The following ADK variants were observed in gnomAD, a reference collection of about 807,000 sequenced individuals.
ADK encodes N6,N6-dimethyladenosine kinase.
In ADK, 24 loss-of-function variants were observed where a neutral mutation model predicts 44.7. The ratio of observed to expected loss-of-function variants is 0.54; its 90% CI spans 0.39 to 0.76. The LOEUF is 0.76. ADK is among the 30% of genes least tolerant of loss of function. The probability of loss-of-function intolerance (pLI) is 0.00; values close to 1 mark genes in which losing one functional copy is unlikely to be tolerated. For missense variants in ADK, 321 were observed against 425.1 expected (o/e 0.76, Z 2.15); for synonymous variants, 128 against 142.6 (o/e 0.90, Z 0.73).
At chr10:74,412,330 G>A (rs567982268) in intron 6 of ADK, among the ~76,000 whole-genome samples, 33 of 152,100 alleles carry the variant, frequency 2.2e-4, no homozygotes, top group African/African-American at 7.2e-4. Context: ...TTGTAGAGAC[G>A]AGGTCTCACC....
chr10:74,284,684 A>G (rs1412736086), intron 3 of ADK, among the ~76,000 whole-genome samples: 1 of 152,206 alleles, frequency 6.6e-6, no homozygotes, highest in Non-Finnish European at 1.5e-5. Flanking sequence ...CTACTACCAC[A>G]TAAATTAACA....
At chr10:74,151,473 C>G in intron 1 of ADK, 130 bp downstream of exon 1, 5 of 984,334 alleles carry the variant, frequency 5.1e-6, no homozygotes, top group Non-Finnish European at 6.2e-6. Flanking sequence ...GCAGGACCTC[C>G]CCCAGCTGCC....
intron 7 of ADK, among the ~76,000 whole-genome samples, chr10:74,552,016 T>TTGTTTTGTAG (rs749291443): frequency 7.1e-6 from 1 of 141,740 alleles, no homozygotes; most frequent in Non-Finnish European, 1.5e-5. Flanking sequence ...GTTTTTTGTA[T>TTGTTTTGTAG]TATTATTATT....
At chr10:74,376,235 T>TA (rs1216131737) in intron 4 of ADK, among the ~76,000 whole-genome samples, 1 of 152,158 alleles carries the variant, frequency 6.6e-6, no homozygotes, top group Non-Finnish European at 1.5e-5. Flanking sequence ...GGTACTTTCT[T>TA]ATTATTCTTC....
At chr10:74,586,556 A>G (rs766480427) in intron 7 of ADK, among the ~76,000 whole-genome samples, 1 of 152,170 alleles carries the variant, frequency 6.6e-6, no homozygotes, top group Non-Finnish European at 1.5e-5. Flanking sequence ...GTTAATTTTT[A>G]AAAATAATTT....
chr10:74,618,967 A>G (rs1466891437), intron 9 of ADK, among the ~76,000 whole-genome samples: 1 of 151,604 alleles, frequency 6.6e-6, no homozygotes, highest in Non-Finnish European at 1.5e-5. Flanking sequence ...CTAGTTATAC[A>G]TATACTAGGT....
chr10:74,693,952 T>A (rs1171251961), intron 10 of ADK, among the ~76,000 whole-genome samples: 4 of 152,164 alleles, frequency 2.6e-5, no homozygotes, highest in Non-Finnish European at 4.4e-5. Flanking sequence ...ATCACTTAGC[T>A]GAAACTCTTG....
chr10:74,564,037 TC>T (rs1394031076), intron 7 of ADK, among the ~76,000 whole-genome samples: 1 of 124,794 alleles, frequency 8.0e-6, no homozygotes. Flanking sequence ...ATGCTATCCC[TC>T]CCCCCTCCCC....
At chr10:74,616,891 A>G (rs531720437) in intron 9 of ADK, among the ~76,000 whole-genome samples, 14 of 151,688 alleles carry the variant, frequency 9.2e-5, no homozygotes, top group Non-Finnish European at 1.9e-4. Context: ...TTTTCTCAGG[A>G]TGTTTTTTTC....
intron 3 of ADK, among the ~76,000 whole-genome samples, chr10:74,252,086 G>A (rs1337047942): frequency 1.3e-5 from 2 of 151,794 alleles, no homozygotes; most frequent in Non-Finnish European, 2.9e-5. Context: ...TTGGTGGAGG[G>A]GCTTCTTGGA....
At chr10:74,302,128 T>TTTTTTTTG (rs1564642374) in intron 3 of ADK, among the ~76,000 whole-genome samples, 1 of 89,388 alleles carries the variant, frequency 1.1e-5, no homozygotes, top group Non-Finnish European at 2.2e-5. Context: ...TTTTTTTTTT[T>TTTTTTTTG]TTTTTTTTTT....
At chr10:74,467,888 A>C (rs1846419567) in intron 6 of ADK, among the ~76,000 whole-genome samples, 2 of 152,160 alleles carry the variant, frequency 1.3e-5, no homozygotes, top group Non-Finnish European at 2.9e-5. Flanking sequence ...CATTTTTATG[A>C]AACTAGGTAG....
chr10:74,207,223 G>GA (rs1373020850), intron 2 of ADK, among the ~76,000 whole-genome samples: 12 of 152,172 alleles, frequency 7.9e-5, no homozygotes, highest in African/African-American at 2.7e-4. Flanking sequence ...GTGGTGCCCA[G>GA]AAGCTTGGAG....
intron 3 of ADK, among the ~76,000 whole-genome samples, chr10:74,291,786 T>C (rs998614626): frequency 5.9e-5 from 9 of 151,782 alleles, no homozygotes; most frequent in Non-Finnish European, 8.8e-5. Flanking sequence ...TTGATTCTAA[T>C]TTTGGCTACC....
At chr10:74,246,083 G>A (rs1002998072) in intron 3 of ADK, among the ~76,000 whole-genome samples, 3 of 151,968 alleles carry the variant, frequency 2.0e-5, no homozygotes, top group Admixed American at 6.6e-5. Context: ...TCTGGTCCAG[G>A]AGTTCTCAGA....
intron 3 of ADK, among the ~76,000 whole-genome samples, chr10:74,275,051 G>A (rs968664671): frequency 6.6e-6 from 1 of 152,074 alleles, no homozygotes; most frequent in Admixed American, 6.6e-5. Flanking sequence ...TTGTGGGAAG[G>A]TGAGAGGTGA....
intron 3 of ADK, among the ~76,000 whole-genome samples, chr10:74,290,113 CACAT>C (rs1213006914): frequency 1.3e-5 from 2 of 151,996 alleles, no homozygotes; most frequent in Non-Finnish European, 1.5e-5. Flanking sequence ...CACACACACT[CACAT>C]AGGGGTTCAA....
intron 1 of ADK, among the ~76,000 whole-genome samples, chr10:74,166,114 A>G (rs1309726810): frequency 1.3e-5 from 2 of 151,960 alleles, no homozygotes; most frequent in Non-Finnish European, 2.9e-5. Context: ...GAATTTTTGT[A>G]TTTTTAGTAG....
At chr10:74,311,688 A>G (rs1408360187) in intron 3 of ADK, among the ~76,000 whole-genome samples, 3 of 152,230 alleles carry the variant, frequency 2.0e-5, no homozygotes, top group African/African-American at 7.2e-5. Flanking sequence ...AGATTAAACA[A>G]TATCATAATA....
Sources: gnomAD v4.1 joint callset for allele counts (sites outside exome capture counted in the v4.1 genomes callset) on GRCh38, gnomAD v4.1.1 for gene constraint, MANE v1.5 for transcripts, NCBI Gene and HGNC (gene_info 2026-07-23, HGNC 2026-07-21) for gene names.